PLEC: variants seen among roughly 807,000 people sequenced by gnomAD.
PLEC encodes the protein hemidesmosomal protein 1.
In PLEC, 216 loss-of-function variants were observed where a neutral mutation model predicts 392.8. The observed-to-expected ratio is 0.55, with a 90% confidence interval of 0.49 to 0.62. The LOEUF (loss-of-function observed/expected upper bound fraction) is 0.62. Ranked by LOEUF, PLEC falls within the 20% of genes least tolerant of loss-of-function variation. PLEC has a pLI of 0.00. For synonymous variants in PLEC, 3,621 were observed against 2,980.6 expected (o/e 1.21, Z -7.00); for missense variants, 6,863 against 6,563.4 (o/e 1.05, Z -1.58).
rs782469869 is a variant in PLEC at position 143,932,642 on chromosome 8, T to C, written c.1808A>G (p.Lys603Arg). ...GGCCCTGCCCCCACTCACCAGCAGCTTGGCGTACTGCAGGTCCAGCCGACC... is the reference window on the plus strand; with the variant it reads ...GGCCCTGCCCCCACTCACCAGCAGCCTGGCGTACTGCAGGTCCAGCCGACC... ...CLGRLDLQYAKLLNSSKARLR... is the reference protein window; with the variant it reads ...CLGRLDLQYARLLNSSKARLR... The change falls in exon 15 of 32, where the codon AAG (lysine) becomes AGG (arginine). Residue 603 changes from lysine to arginine, a missense_variant. Coordinates refer to ENST00000345136, the MANE Select transcript of PLEC (RefSeq NM_201384.3). 2 of 1,610,918 alleles carry C rather than the reference T, an allele frequency of 1.2e-6. No individual in the cohort carries two copies. The highest frequency in any genetic ancestry group is 4.5e-5 in the East Asian group (2 of 44,840).
At position 143,921,098 on chromosome 8, in the gene PLEC, G is replaced by C; in HGVS notation, c.8723C>G (p.Ala2908Gly). The C allele has an allele frequency of 6.2e-7, 1 of 1,612,120 alleles. No homozygotes were observed. The highest frequency in any genetic ancestry group is 1.7e-5 in the Admixed American group (1 of 60,028). Residue 2908 changes from alanine (A) to glycine (G), a missense_variant, in exon 32 of 32, where the codon GCC (alanine) becomes GGC (glycine). By Grantham distance (60) the Ala-to-Gly change is moderately conservative. Coordinates refer to ENST00000345136, the MANE Select transcript of PLEC (RefSeq NM_201384.3). ...CTTGCCGAACGGCGCAGACACGGTG[G>C]CCTTCTCAAAGACGTCCCGGGCCTC... ...DSEARDVFEK[A>G]TVSAPFGKFQ...
In PLEC at chr8:143,934,351, T is replaced by C; in HGVS notation, c.1136A>G (p.Glu379Gly). ...CTCGCTGCGGAGCTGCTTCTCCCGC[T>C]CCAGGATGGCCACGTGCAGCTTGCC... ...EWGKLHVAIL[E>G]REKQLRSEFE... Residue 379 changes from glutamate (E) to glycine (G), a missense_variant, in exon 11 of 32, where the codon GAG (glutamate) becomes GGG (glycine). Coordinates refer to ENST00000345136, the MANE Select transcript of PLEC (RefSeq NM_201384.3). The C allele has an allele frequency of 6.2e-7, 1 of 1,612,524 alleles. No individual in the cohort carries two copies. The highest frequency in any genetic ancestry group is 8.5e-7 in the Non-Finnish European group (1 of 1,179,920).
rs1235189627 is a variant in PLEC, at chr8:143,933,417, C to CA, written c.1264-67dup. On this transcript the variant is annotated intron_variant, in intron 12 of 31. Coordinates refer to ENST00000345136, the MANE Select transcript of PLEC (RefSeq NM_201384.3). The stretch of plus-strand genomic sequence containing the variant: ...CCTCTGACCTCACAGGGGCCCCGGC[C>CA]AAGACGGCCACCCTCAGCCGCTTCC... The CA allele has an allele frequency of 3.8e-6, 6 of 1,588,784 alleles. No homozygotes were observed. In the Admixed American group the frequency reaches 8.3e-5, roughly 22 times the overall value.
At chr8:143,942,030 C>T (rs1830550862), upstream of PLEC, among the ~76,000 whole-genome samples, 1 of 152,140 alleles carries the variant, frequency 6.6e-6, no homozygotes, top group African/African-American at 2.4e-5. Context: ...ATCCCACTGG[C>T]CCAGGACTGC....
rs782759589 is a variant in PLEC, at chr8:143,950,698, G to A, written c.9C>T (p.Ala3=). The change falls in exon 1 of 32, where the codon GCC becomes GCT. Residue 3 remains alanine, a synonymous_variant. Coordinates refer to the PLEC transcript ENST00000322810. ...GCTGGTCCCGTGGCATGAGCATGCC[G>A]GCCACCATGGCTGCTGGAGCCGGGC... 4.0e-5 allele frequency: 62 copies of A among 1,563,126 alleles called. No homozygotes were observed. The East Asian group carries it at 4.9e-4, about 12-fold the overall frequency.
chr8:143,952,511 C>T (rs886671599), upstream of PLEC, among the ~76,000 whole-genome samples: 7 of 152,142 alleles, frequency 4.6e-5, no homozygotes, highest in Non-Finnish European at 1.0e-4. Context: ...CCTGCCCAGC[C>T]CTGTGCCCAA....
chr8:143,959,863 G>T (rs1554740288), intron 1 of PLEC, among the ~76,000 whole-genome samples: 2 of 152,176 alleles, frequency 1.3e-5, no homozygotes, highest in Admixed American at 6.5e-5. Context: ...GGGTGTGGTG[G>T]CGGGCGCCTG....
intron 1 of PLEC, among the ~76,000 whole-genome samples, chr8:143,959,142 C>T (rs1319111977): frequency 6.6e-6 from 1 of 152,166 alleles, no homozygotes; most frequent in African/African-American, 2.4e-5. Flanking sequence ...TGAATGCGGA[C>T]GGTGCAGGCG....
At position 143,920,255 on chromosome 8, in the gene PLEC, G is replaced by T; in HGVS notation, c.9566C>A (p.Pro3189Gln). 1 of 1,598,400 alleles carries T rather than the reference G, an allele frequency of 6.3e-7. No homozygotes were observed. Among genetic ancestry groups the T allele is most frequent in the Non-Finnish European group, 8.5e-7 (1 of 1,177,632 alleles). The part of the protein sequence containing the change: ...KAYSDPSTGE[P>Q]ATYGELQQRC... ...CTGCTGGAGCTCGCCGTAGGTGGCC[G>T]GCTCCCCTGTGCTGGGGTCACTGTA... The change falls in exon 32 of 32, where the codon CCG becomes CAG. Residue 3189 changes from proline to glutamine, a missense_variant. Physicochemically the swap from Pro to Gln is moderately conservative, Grantham distance 76. Coordinates refer to ENST00000345136, the MANE Select transcript of PLEC (RefSeq NM_201384.3).
chr8:143,923,262 G>A lies in PLEC; in HGVS notation c.6667C>T (p.Arg2223Cys), dbSNP rs200620255. ...AAGAGCTCCTCCTCCACCTGGCTGC[G>A]CTGGCGTGCGGCCTCCGTGGCCTCC... ...KAEATEAARQ[R>C]SQVEEELFSV... The change falls in exon 31 of 32, where the codon CGC becomes TGC. Residue 2223 changes from arginine (R) to cysteine (C), a missense_variant. Physicochemically the swap from Arg to Cys is radical, Grantham distance 180 (BLOSUM62 -3). Coordinates refer to ENST00000345136, the MANE Select transcript of PLEC (RefSeq NM_201384.3). The A allele has an allele frequency of 6.3e-5, 101 of 1,605,866 alleles. No homozygotes were observed. The highest frequency in any genetic ancestry group is 3.0e-4 in the South Asian group (27 of 91,034).
Position 143,920,098 on chromosome 8 carries a change from G to C in PLEC, c.9723C>G (p.Val3241=), listed in dbSNP as rs781996776. ...TCCTGCCCTTGAAGCCACCCACGGG[G>C]ACCTCAACCGGGGTCTTTTCAAAGG... ...RETFEKTPVE[V]PVGGFKGRTV... is the part of the protein sequence containing the mutation. The change falls in exon 32 of 32, where the codon GTC becomes GTG. Residue 3241 remains valine (V), a synonymous_variant. Transcript: ENST00000345136. The C allele has an allele frequency of 1.2e-6, 2 of 1,613,120 alleles. No individual in the cohort carries two copies. Among genetic ancestry groups the C allele is most frequent in the Admixed American group, 3.3e-5 (2 of 60,028 alleles).
intron 1 of PLEC, among the ~76,000 whole-genome samples, chr8:143,961,111 G>T (rs999501278): frequency 2.0e-5 from 3 of 152,346 alleles, no homozygotes; most frequent in African/African-American, 7.2e-5. Flanking sequence ...GGTTCCCACA[G>T]CTTCAGCAAC....
intron 1 of PLEC, 54 bp downstream of exon 1, chr8:143,939,296 C>A: frequency 1.3e-6 from 2 of 1,574,514 alleles, no homozygotes; most frequent in African/African-American, 2.7e-5. Flanking sequence ...GTGGGCCTTC[C>A]TCCCGCAGGG....
In PLEC at chr8:143,919,499, G is replaced by A. The variant is rs782569204; in HGVS notation, c.10322C>T (p.Ser3441Leu). The A allele has an allele frequency of 1.5e-4, 245 of 1,612,858 alleles. No individual in the cohort carries two copies. The highest frequency in any genetic ancestry group is 1.9e-4 in the Non-Finnish European group (227 of 1,179,906). Residue 3441 changes from serine to leucine, a missense_variant, in exon 32 of 32, where the codon TCG (serine) becomes TTG (leucine). By Grantham distance (145) the Ser-to-Leu change is moderately radical. Coordinates refer to ENST00000345136, the MANE Select transcript of PLEC (RefSeq NM_201384.3). ...CTGGAAGAGGGAGATGGTGCTGCCC[G>A]AGTAGGGGTCTCTGTAGCCGGTGAC... ...KAVTGYRDPY[S>L]GSTISLFQAM... is the part of the protein sequence containing the mutation.
At position 143,930,370 on chromosome 8, in the gene PLEC, C is replaced by T. The variant is rs782442339; in HGVS notation, c.2457+14G>A. The stretch of plus-strand genomic sequence containing the variant: ...CTGGCCACGCCCCCCAGTGGACCCC[C>T]GGCCTGCGCTCACCTCCACCTGCTT... On this transcript the variant is annotated intron_variant, in intron 20 of 31. Transcript: ENST00000345136. The T allele has an allele frequency of 1.0e-5, 16 of 1,574,938 alleles. No homozygotes were observed. Among genetic ancestry groups the T allele is most frequent in the South Asian group, 5.7e-5 (5 of 87,134 alleles).
chr8:143,931,546 C>T lies in PLEC; in HGVS notation c.2292G>A (p.Leu764=), dbSNP rs1554715310. Residue 764 remains leucine (L), a synonymous_variant, in exon 19 of 32, where the codon CTG becomes CTA. Transcript: ENST00000345136. ...CCCCCTCCCTCACCTGGGCATCCTG[C>T]AGCAGGTCCTCCAGCCGGGTGACGG... ...SATVTRLEDL[L]QDAQDEKEQL... 1.3e-6 allele frequency: 2 copies of T among 1,591,952 alleles called. No individual in the cohort carries two copies. The highest frequency in any genetic ancestry group is 1.3e-5 in the African/African-American group (1 of 74,644).
At chr8:143,950,379 C>A (rs782783624) in exon 1 of PLEC, 4 of 1,597,274 alleles carry the variant, frequency 2.5e-6, no homozygotes, top group Middle Eastern at 1.7e-4. Flanking sequence ...GTGCGGCGTG[C>A]GGGCATCACC....
At chr8:143,956,424 C>T (rs1311384307), upstream of PLEC, among the ~76,000 whole-genome samples, 1 of 152,190 alleles carries the variant, frequency 6.6e-6, no homozygotes, top group Non-Finnish European at 1.5e-5. Flanking sequence ...AAAAACTATC[C>T]TGACACGGTG....
upstream of PLEC, among the ~76,000 whole-genome samples, chr8:143,955,436 G>A (rs1045392740): frequency 3.9e-5 from 6 of 152,152 alleles, no homozygotes; most frequent in South Asian, 2.1e-4. Flanking sequence ...AGCCGAGATC[G>A]CGCCACTGCT....
Sources: gnomAD v4.1 joint callset for allele counts (sites outside exome capture counted in the v4.1 genomes callset) on GRCh38, gnomAD v4.1.1 for gene constraint, MANE v1.5 for transcripts, NCBI Gene and HGNC (gene_info 2026-07-23, HGNC 2026-07-21) for gene names.